Variants in TIA1 observed in about 807,000 individuals in gnomAD.
The protein encoded by TIA1 is cytotoxic granule associated RNA binding protein TIA1.
A neutral mutation model predicts 65.9 loss-of-function variants in TIA1; 23 were observed. The observed-to-expected ratio is 0.35, with a 90% CI of 0.25 to 0.49. The LOEUF is 0.49. TIA1 is among the 20% of genes least tolerant of loss of function. The pLI is 0.98. For synonymous variants in TIA1, 147 were observed against 149.4 expected, an observed-to-expected ratio of 0.98 and a Z score of 0.12; for missense variants, 371 against 477.9, an observed-to-expected ratio of 0.78 and a Z score of 2.09.
At chr2:70,220,343 A>G (rs1212458828) in intron 7 of TIA1, among the ~76,000 whole-genome samples, 5 of 152,192 alleles carry the variant, frequency 3.3e-5, no homozygotes. Flanking sequence ...TGGGAGGTCA[A>G]GGCTGCAGTG....
rs111775020 is a variant in TIA1 at position 70,221,202 on chromosome 2, T to G, written c.474+3352A>C. On this transcript the variant is annotated intron_variant, in intron 7 of 12. Transcript: ENST00000433529. ...TTCTATTTTTAGTAGAGACGGGGTT[T>G]CACCATGTTGGTCAGGCTGGTCTCG... 5.8e-3 allele frequency among the ~76,000 whole-genome samples: 883 copies of G among 152,222 alleles called. 11 individuals are homozygous for G. Among genetic ancestry groups the G allele is most frequent in the African/African-American group, 0.02 (848 of 41,536 alleles).
At chr2:70,214,611 G>T in intron 11 of TIA1, 117 bp from the exon 12 acceptor site, 1 of 604,296 alleles carries the variant, frequency 1.7e-6, no homozygotes. Flanking sequence ...TAAAATGACA[G>T]GATAAACAAG....
At chr2:70,240,404 T>C (rs1028127385) in intron 1 of TIA1, among the ~76,000 whole-genome samples, 5 of 152,182 alleles carry the variant, frequency 3.3e-5, no homozygotes, top group African/African-American at 1.2e-4. Flanking sequence ...CAAAAAATTA[T>C]TGTCCTAAAA....
At chr2:70,223,459 T>C (rs1251281955) in intron 7 of TIA1, among the ~76,000 whole-genome samples, 1 of 152,182 alleles carries the variant, frequency 6.6e-6, no homozygotes, top group Non-Finnish European at 1.5e-5. Flanking sequence ...CCTCACTTTG[T>C]CACCCAGGCT....
chr2:70,235,889 G>C (rs1688683264), intron 2 of TIA1, among the ~76,000 whole-genome samples, 190 bp downstream of exon 2: 1 of 152,012 alleles, frequency 6.6e-6, no homozygotes, highest in Non-Finnish European at 1.5e-5. Flanking sequence ...GTCAAAACAG[G>C]TTCATTACAA....
intron 1 of TIA1, among the ~76,000 whole-genome samples, chr2:70,244,834 CAAAAA>C (rs70956958): frequency 7.5e-5 from 4 of 53,486 alleles, no homozygotes; most frequent in Admixed American, 7.3e-4. Flanking sequence ...GACTCTGTCT[CAAAAA>C]AAAAAAAAAA....
At chr2:70,241,662 G>C (rs775829328) in intron 1 of TIA1, among the ~76,000 whole-genome samples, 5 of 152,028 alleles carry the variant, frequency 3.3e-5, no homozygotes, top group Non-Finnish European at 7.4e-5. Flanking sequence ...AGTGTCGGTA[G>C]GGTGTGGTGG....
At chr2:70,219,930 G>A (rs540739217) in intron 7 of TIA1, among the ~76,000 whole-genome samples, 7 of 151,930 alleles carry the variant, frequency 4.6e-5, no homozygotes, top group Non-Finnish European at 8.8e-5. Context: ...CAACCAGTCC[G>A]AACTCCATGA....
At chr2:70,241,176 G>A (rs1691520211) in intron 1 of TIA1, among the ~76,000 whole-genome samples, 1 of 152,142 alleles carries the variant, frequency 6.6e-6, no homozygotes, top group African/African-American at 2.4e-5. Flanking sequence ...GACAGGTGCG[G>A]TGGCTCACGC....
At chr2:70,243,166 C>T (rs1049538212) in intron 1 of TIA1, among the ~76,000 whole-genome samples, 1 of 152,162 alleles carries the variant, frequency 6.6e-6, no homozygotes, top group African/African-American at 2.4e-5. Context: ...CGGTGGCTCA[C>T]ACCTATAATC....
intron 7 of TIA1, among the ~76,000 whole-genome samples, chr2:70,223,241 A>G (rs548052277): frequency 2.6e-4 from 39 of 152,328 alleles, no homozygotes; most frequent in African/African-American, 9.1e-4. Flanking sequence ...AATCCATTAT[A>G]GAAGGTATTT....
chr2:70,230,725 C>T (rs1476150371), intron 3 of TIA1, 31 bp downstream of exon 3: 1 of 1,497,376 alleles, frequency 6.7e-7, no homozygotes, highest in East Asian at 2.3e-5. Flanking sequence ...TTTTTCAGTG[C>T]AAGTCACCTT....
In TIA1 at chr2:70,215,397, G is replaced by T. The variant is rs143048026; in HGVS notation, c.862C>A (p.Leu288Ile). The T allele has an allele frequency of 6.2e-7, 1 of 1,614,020 alleles. No individual in the cohort carries two copies. Among genetic ancestry groups the T allele is most frequent in the East Asian group, 2.2e-5 (1 of 44,858 alleles). ...VVKCYWGKET[L>I]DMINPVQQQN... ...TGTTGCACGGGATTTATCATATCAA[G>T]AGTTTCTTTGCCCCAATAGCATTTC... The change falls in exon 11 of 13, where the codon CTT (leucine) becomes ATT (isoleucine). Residue 288 changes from leucine to isoleucine, a missense_variant. Transcript: ENST00000433529.
upstream of TIA1, chr2:70,248,712 C>T: frequency 1.9e-6 from 1 of 518,086 alleles, no homozygotes; most frequent in Non-Finnish European, 3.5e-6. Context: ...CTCCGGGCCG[C>T]CCGGCTACAC....
intron 1 of TIA1, among the ~76,000 whole-genome samples, chr2:70,246,526 A>T (rs1694399774): frequency 6.6e-6 from 1 of 152,156 alleles, no homozygotes; most frequent in African/African-American, 2.4e-5. Flanking sequence ...TTTGAGGAAG[A>T]GTTTCTTGGA....
chr2:70,246,707 G>C (rs1694514246), intron 1 of TIA1, among the ~76,000 whole-genome samples: 1 of 152,160 alleles, frequency 6.6e-6, no homozygotes, highest in Admixed American at 6.5e-5. Flanking sequence ...CCGACATGGT[G>C]AAACCCCATC....
In TIA1 at chr2:70,224,766, C is replaced by T. The variant is rs1026654454; in HGVS notation, c.399-137G>A. Reference sequence around the variant, plus strand: ...TAATGCAAATTCACCTTTTATTCTACAAAATTTATCATGTATTAGGAAATG... The same window carrying T: ...TAATGCAAATTCACCTTTTATTCTATAAAATTTATCATGTATTAGGAAATG... On this transcript the variant is annotated intron_variant, in intron 6 of 12. Transcript: ENST00000433529. 2.8e-6 allele frequency: 4 copies of T among 1,418,808 alleles called. No homozygotes were observed. In the African/African-American group the frequency reaches 5.8e-5, roughly 20 times the overall value. The allele number at this position is 1,418,808 out of a possible 1,614,324, so 87.9% of individuals were successfully genotyped here. A position where few individuals can be genotyped will look rare whatever the true frequency, so the allele number is the denominator to read the frequency against.
chr2:70,209,940 C>T lies in TIA1; in HGVS notation c.*2779G>A, dbSNP rs1293219076. The T allele has an allele frequency of 2.6e-6, 1 of 384,050 alleles. No homozygotes were observed. Among genetic ancestry groups the T allele is most frequent in the Non-Finnish European group, 4.6e-6 (1 of 217,240 alleles). 23.8% of individuals were successfully genotyped at this position (384,050 alleles called of 1,614,324 possible). ...CAAATAAAAGGAAGATGTACAAGCA[C>T]AGGGACAAAACAGGAGGAAAATAAA... On this transcript the variant is annotated 3_prime_UTR_variant, in exon 13 of 13. Transcript: ENST00000433529.
chr2:70,244,004 G>C (rs1693065032), intron 1 of TIA1, among the ~76,000 whole-genome samples: 1 of 152,150 alleles, frequency 6.6e-6, no homozygotes, highest in African/African-American at 2.4e-5. Flanking sequence ...ACTCAGATAA[G>C]ATAGCCCTCA....
Sources: gnomAD v4.1 joint callset for allele counts (sites outside exome capture counted in the v4.1 genomes callset) on GRCh38, gnomAD v4.1.1 for gene constraint, MANE v1.5 for transcripts, NCBI Gene and HGNC (gene_info 2026-07-23, HGNC 2026-07-21) for gene names.